NRXN2: variants seen among roughly 807,000 people sequenced by gnomAD.
NRXN2 encodes the protein neurexin-2-beta.
Under a neutral mutation model 128.8 loss-of-function variants are expected in NRXN2, and 29 were observed. The ratio of observed to expected loss-of-function variants is 0.23; its 90% CI spans 0.17 to 0.31. The LOEUF is 0.31. Among genes scored for constraint, NRXN2 ranks in the 10% least tolerant of loss-of-function variants. NRXN2 has a pLI of 1.00. For missense variants in NRXN2, 1,881 were observed against 2,452.6 expected, an observed-to-expected ratio of 0.77 and a Z score of 4.92; for synonymous variants, 1,098 against 1,075.2, an observed-to-expected ratio of 1.02 and a Z score of -0.41.
At chr11:64,625,597 T>C (rs1413317304) in intron 20 of NRXN2, among the ~76,000 whole-genome samples, 1 of 152,080 alleles carries the variant, frequency 6.6e-6, no homozygotes, top group African/African-American at 2.4e-5. Flanking sequence ...TAAGTGGAGA[T>C]TTAACAGTTC....
chr11:64,650,468 G>A lies in NRXN2; in HGVS notation c.3089C>T (p.Ala1030Val), dbSNP rs760327117. The A allele has an allele frequency of 3.7e-6, 6 of 1,614,066 alleles. No homozygotes were observed. The African/African-American group carries it at 4.0e-5, about 11-fold the overall frequency. Residue 1030 changes from alanine (A) to valine (V), a missense_variant, in exon 15 of 23, where the codon GCC becomes GTC. Coordinates refer to ENST00000265459, the MANE Select transcript of NRXN2 (RefSeq NM_015080.4). ...CCCACCTTTGAGATCGAGGTTTCGG[G>A]CGCCATTGGAGTGCTGCGTGACAGT... ...SRTVTQHSNG[A>V]RNLDLKGELY... is the part of the protein sequence containing the mutation.
At position 64,635,336 on chromosome 11, in the gene NRXN2, G is replaced by A. The variant is rs767332486; in HGVS notation, c.3520C>T (p.Arg1174Trp). The A allele has an allele frequency of 3.7e-6, 6 of 1,613,422 alleles. No homozygotes were observed. Among genetic ancestry groups the A allele is most frequent in the East Asian group, 2.2e-5 (1 of 44,896 alleles). The change falls in exon 18 of 23, where the codon CGG becomes TGG. Residue 1174 changes from arginine to tryptophan, a missense_variant. Physicochemically the swap from Arg to Trp is moderately radical, Grantham distance 101. Around this residue, in one of 7 missense-constraint regions of NRXN2, gnomAD observed 390 missense variants for 599.6 expected, o/e 0.65. Transcript: ENST00000265459. The surrounding 1 kb of genome is among the most constrained non-coding windows in gnomAD (Gnocchi z 4.8). Reference sequence around the variant, plus strand: ...TCCACCCGCACCAGCACAGCGCTCCGCTGGTGGGTGCTGAAGCCCACGGCC... The same window carrying A: ...TCCACCCGCACCAGCACAGCGCTCCACTGGTGGGTGCTGAAGCCCACGGCC... Reference protein sequence around the residue: ...RLAVGFSTHQRSAVLVRVDSA... With the variant: ...RLAVGFSTHQWSAVLVRVDSA...
chr11:64,665,218 T>A (rs920518620), intron 9 of NRXN2, among the ~76,000 whole-genome samples: 3 of 151,372 alleles, frequency 2.0e-5, no homozygotes, highest in African/African-American at 7.3e-5. Flanking sequence ...GAGGCAAAGG[T>A]TGCAGTGAGC....
chr11:64,620,802 T>G (rs1254567644), intron 21 of NRXN2, among the ~76,000 whole-genome samples: 7 of 150,384 alleles, frequency 4.7e-5, no homozygotes. Context: ...GTTTCCTGGC[T>G]CCAGCTTCAC....
At chr11:64,704,447 TG>T (rs2055930191) in intron 2 of NRXN2, among the ~76,000 whole-genome samples, 1 of 152,032 alleles carries the variant, frequency 6.6e-6, no homozygotes, top group African/African-American at 2.4e-5. Context: ...GCTGTAAAAC[TG>T]CATCCTTAAT....
Position 64,692,429 on chromosome 11 carries a change from G to C in NRXN2, c.778+418C>G, listed in dbSNP as rs529297129. 5.7e-4 allele frequency among the ~76,000 whole-genome samples: 86 copies of C among 152,108 alleles called. No homozygotes were observed. In the Middle Eastern group the frequency reaches 0.01, roughly 18 times the overall value. ...CCCATGCTTTTCTCTTGTTACTTAG[G>C]TCCATAGAAAAGAAAGAATGATCAG... On this transcript the variant is annotated intron_variant, in intron 4 of 22. Transcript: ENST00000265459.
At chr11:64,609,080 G>A (rs2040204525) in intron 22 of NRXN2, among the ~76,000 whole-genome samples, 1 of 152,010 alleles carries the variant, frequency 6.6e-6, no homozygotes, top group South Asian at 2.1e-4. Flanking sequence ...CACTGGAGCA[G>A]GGTCCTGTCC....
chr11:64,721,586 A>G (rs2057433356), intron 1 of NRXN2, among the ~76,000 whole-genome samples: 2 of 152,078 alleles, frequency 1.3e-5, no homozygotes, highest in Admixed American at 6.5e-5. Context: ...AAGCACCCAC[A>G]AAACAGAAGG....
At chr11:64,697,665 G>A in intron 3 of NRXN2, 110 bp downstream of exon 3, 19 of 1,258,304 alleles carry the variant, frequency 1.5e-5, no homozygotes, top group Non-Finnish European at 2.2e-5. Context: ...CTCCGGAGAG[G>A]CCCTAAACAT....
chr11:64,699,559 T>C (rs1435825249), intron 2 of NRXN2, among the ~76,000 whole-genome samples: 1 of 149,778 alleles, frequency 6.7e-6, no homozygotes, highest in Non-Finnish European at 1.5e-5. Context: ...GCCTCCGGCA[T>C]GCGCTACCAC....
chr11:64,640,740 G>C (rs1397957890), intron 17 of NRXN2, among the ~76,000 whole-genome samples: 1 of 152,144 alleles, frequency 6.6e-6, no homozygotes, highest in Non-Finnish European at 1.5e-5. Flanking sequence ...AAGTGCTCCA[G>C]GGAAACTGGA....
intron 9 of NRXN2, among the ~76,000 whole-genome samples, chr11:64,663,960 T>C (rs2049409662): frequency 2.6e-5 from 4 of 152,166 alleles, no homozygotes; most frequent in Admixed American, 2.6e-4. Flanking sequence ...AAATATTATA[T>C]GATTCCACTT....
chr11:64,665,816 C>G (rs2049768906), intron 9 of NRXN2, among the ~76,000 whole-genome samples: 1 of 152,132 alleles, frequency 6.6e-6, no homozygotes, highest in African/African-American at 2.4e-5. Flanking sequence ...TATCAATTTC[C>G]CTTTCTTGGA....
At chr11:64,643,191 T>C (rs756589194) in intron 17 of NRXN2, 229 of 947,764 alleles carry the variant, frequency 2.4e-4, no homozygotes, top group Non-Finnish European at 2.5e-4. Context: ...GCGAGGGAAA[T>C]CCTGCGGAAA....
rs763903676 is a variant in NRXN2, at chr11:64,607,287, C to T, written c.5048G>A (p.Ser1683Asn). The T allele has an allele frequency of 6.2e-7, 1 of 1,613,894 alleles. No homozygotes were observed. The highest frequency in any genetic ancestry group is 2.2e-5 in the East Asian group (1 of 44,870). The change falls in exon 23 of 23, where the codon AGC (serine) becomes AAC (asparagine). Residue 1683 changes from serine to asparagine, a missense_variant. Ser to Asn is a conservative substitution (Grantham distance 46, BLOSUM62 1). Coordinates refer to ENST00000265459, the MANE Select transcript of NRXN2 (RefSeq NM_015080.4). ...SRNYISNSAQ[S>N]NGAVVKEKAP... ...CTTCTCTTTCACCACCGCCCCATTGCTCTGGGCCGAGTTACTGATGTAGTT... is the reference window on the plus strand; with the variant it reads ...CTTCTCTTTCACCACCGCCCCATTGTTCTGGGCCGAGTTACTGATGTAGTT...
chr11:64,653,480 C>T (rs1591824933), intron 12 of NRXN2, among the ~76,000 whole-genome samples: 1 of 152,138 alleles, frequency 6.6e-6, no homozygotes, highest in East Asian at 1.9e-4. Context: ...CAGGCCCTCC[C>T]CCAGCTCTCC....
chr11:64,630,504 T>G lies in NRXN2; in HGVS notation c.3655A>C (p.Ile1219Leu), dbSNP rs777821011. 2 of 1,614,054 alleles carry G rather than the reference T, an allele frequency of 1.2e-6. No homozygotes were observed. The highest frequency in any genetic ancestry group is 2.2e-5 in the East Asian group (1 of 44,872). ...DDITIDEPNA[I>L]VSDGKYHVVR... is the part of the protein sequence containing the mutation. ...ACGTGGTATTTGCCGTCGCTTACTA[T>G]GGCGTTGGGCTCGTCGATGGTAATG... is the stretch of plus-strand genomic sequence containing the variant. The change falls in exon 19 of 23, where the codon ATA becomes CTA. Residue 1219 changes from isoleucine (I) to leucine (L), a missense_variant. Physicochemically the swap from Ile to Leu is conservative, Grantham distance 5 (BLOSUM62 2). Transcript: ENST00000265459. The surrounding 1 kb of genome is among the most constrained non-coding windows in gnomAD (Gnocchi z 4.6).
chr11:64,615,923 T>A (rs1453439423), intron 22 of NRXN2, among the ~76,000 whole-genome samples: 1 of 152,100 alleles, frequency 6.6e-6, no homozygotes, highest in African/African-American at 2.4e-5. Context: ...TCTATGCATA[T>A]GTGTGTACAT....
In NRXN2 at chr11:64,650,599, G is replaced by C; in HGVS notation, c.2958C>G (p.Ser986=). 1.2e-6 allele frequency: 2 copies of C among 1,614,184 alleles called. No homozygotes were observed. The highest frequency in any genetic ancestry group is 1.7e-6 in the Non-Finnish European group (2 of 1,180,052). The change falls in exon 15 of 23, where the codon TCC becomes TCG. Residue 986 remains serine, a synonymous_variant. Coordinates refer to ENST00000265459, the MANE Select transcript of NRXN2 (RefSeq NM_015080.4). ...GTTTGTCTGAGTTCCCCTTCATCAAGGACGGGCCATTCCCCAGGTCAAACA... is the reference window on the plus strand; with the variant it reads ...GTTTGTCTGAGTTCCCCTTCATCAACGACGGGCCATTCCCCAGGTCAAACA... The part of the protein sequence containing the change: ...HYVFDLGNGP[S]LMKGNSDKPV...
Sources: allele counts gnomAD v4.1 joint callset (sites outside exome capture counted in the v4.1 genomes callset), GRCh38; gene constraint gnomAD v4.1.1; regional missense constraint gnomAD v4.1.1; non-coding constraint Gnocchi (gnomAD v3.1); transcripts MANE v1.5; gene names NCBI Gene and HGNC (gene_info 2026-07-23, HGNC 2026-07-21).